The following NISCH variants were observed in gnomAD, a reference collection of about 807,000 sequenced individuals.
The protein encoded by NISCH is I-1 receptor candidate protein.
Under a neutral mutation model 138.4 loss-of-function variants are expected in NISCH, and 55 were observed. The observed-to-expected ratio is 0.40, with a 90% CI of 0.32 to 0.50. The LOEUF (loss-of-function observed/expected upper bound fraction) is 0.50. Ranked by LOEUF, NISCH falls within the 20% of genes least tolerant of loss-of-function variation. NISCH has a pLI of 0.71. For missense variants in NISCH, 1,643 were observed against 2,005.5 expected (o/e 0.82, Z 3.45); for synonymous variants, 860 against 861.5 (o/e 1.00, Z 0.03).
At chr3:52,472,261 A>C in intron 5 of NISCH, 42 bp from the exon 6 acceptor site, 8 of 1,560,316 alleles carry the variant, frequency 5.1e-6, no homozygotes, top group Non-Finnish European at 7.1e-6. Flanking sequence ...CCCGATGGGC[A>C]TGCGACACTG....
chr3:52,458,556 G>T lies in NISCH; in HGVS notation c.178-106G>T, dbSNP rs1320471158. The T allele has an allele frequency of 5.6e-6, 5 of 885,936 alleles. No homozygotes were observed. In the South Asian group the frequency reaches 8.8e-5, roughly 16 times the overall value. The allele number at this position is 885,936 out of a possible 1,614,324, so 54.9% of individuals were successfully genotyped here. A position where few individuals can be genotyped will look rare whatever the true frequency, so the allele number is the denominator to read the frequency against. Reference sequence around the variant, plus strand: ...TGATTTTGGTACTACTGCAGGGAGGGGCTGTGCAAGTGCTGACAAGCGCCT... The same window carrying T: ...TGATTTTGGTACTACTGCAGGGAGGTGCTGTGCAAGTGCTGACAAGCGCCT... On this transcript the variant is annotated intron_variant, in intron 2 of 20. Transcript: ENST00000345716.
chr3:52,481,363 T>C (rs902020849), intron 13 of NISCH: 2 of 990,192 alleles, frequency 2.0e-6, no homozygotes, highest in Non-Finnish European at 2.4e-6. Context: ...CTGTGAGATG[T>C]GGAAGAGAAT....
intron 18 of NISCH, 59 bp from the exon 19 acceptor site, chr3:52,490,646 C>G: frequency 6.2e-7 from 1 of 1,610,796 alleles, no homozygotes. Flanking sequence ...GTGCTGCACA[C>G]CTAGGAACCT....
Position 52,487,186 on chromosome 3 carries a change from C to A in NISCH, c.1704-10C>A. On this transcript the variant is annotated splice_polypyrimidine_tract_variant and intron_variant, in intron 15 of 20. Coordinates refer to ENST00000345716, the MANE Select transcript of NISCH (RefSeq NM_007184.4). This position sits in a 1 kb window ranked among gnomAD's most constrained non-coding sequence, Gnocchi z 9.1. ...CCAGCATGCCACTGACCTGGCCTCT[C>A]CCTGCACAGCCCAGAACATGCCGAG... The A allele has an allele frequency of 5.0e-6, 8 of 1,609,842 alleles. No homozygotes were observed. The highest frequency in any genetic ancestry group is 5.9e-6 in the Non-Finnish European group (7 of 1,177,612).
rs1309671143 is a variant in NISCH, at chr3:52,488,250, A to C, written c.2758A>C (p.Ile920Leu). The C allele has an allele frequency of 3.7e-6, 6 of 1,610,812 alleles. No homozygotes were observed. The Admixed American group carries it at 6.7e-5, about 18-fold the overall frequency. The change falls in exon 16 of 21, where the codon ATC (isoleucine) becomes CTC (leucine). Residue 920 changes from isoleucine (I) to leucine (L), a missense_variant. Transcript: ENST00000345716. ...GCTCACGCCCCAGCACCTCAACGTC[A>C]TCAAGGCCGACTTCAACCCCATGCC... ...LLLTPQHLNVIKADFNPMPNR... is the reference protein window; with the variant it reads ...LLLTPQHLNVLKADFNPMPNR...
intron 4 of NISCH, chr3:52,471,324 C>T (rs1026768106): frequency 2.2e-5 from 6 of 271,774 alleles, no homozygotes; most frequent in Non-Finnish European, 4.2e-5. Context: ...ACGGGGTCAG[C>T]GGCCCAGTCA....
chr3:52,469,925 A>G (rs1706894090), intron 3 of NISCH, among the ~76,000 whole-genome samples: 2 of 151,806 alleles, frequency 1.3e-5, no homozygotes, highest in East Asian at 3.9e-4. Flanking sequence ...AAAAAAGAAA[A>G]AAAAAAAAAA....
At chr3:52,460,488 A>G (rs1363111692) in intron 3 of NISCH, among the ~76,000 whole-genome samples, 1 of 151,740 alleles carries the variant, frequency 6.6e-6, no homozygotes, top group Admixed American at 6.6e-5. Context: ...TGCAACCTCA[A>G]ACTCCTGGGC....
intron 13 of NISCH, chr3:52,481,748 C>G (rs1012825917): frequency 2.0e-6 from 2 of 985,488 alleles, no homozygotes; most frequent in Middle Eastern, 5.2e-4. Context: ...CAGCCCCCCA[C>G]ATTGTCGGAG....
chr3:52,491,806 C>T, intron 20 of NISCH, 66 bp from the exon 21 acceptor site: 1 of 1,517,066 alleles, frequency 6.6e-7, no homozygotes, highest in Non-Finnish European at 8.8e-7. Flanking sequence ...GGCTTGGGGC[C>T]CTTGGTGCTC....
chr3:52,461,756 G>A (rs967704313), intron 3 of NISCH, among the ~76,000 whole-genome samples: 4 of 151,900 alleles, frequency 2.6e-5, no homozygotes, highest in South Asian at 2.1e-4. Flanking sequence ...CTAGCTACTC[G>A]GGAGGCTGAG....
chr3:52,473,889 G>GT, intron 7 of NISCH, 60 bp downstream of exon 7: 1 of 1,146,376 alleles, frequency 8.7e-7, no homozygotes, highest in Middle Eastern at 2.6e-4. Context: ...CTGGGCTGTG[G>GT]TCTCCACCAC....
At chr3:52,480,138 T>TGG (rs1707226010) in intron 12 of NISCH, 46 bp from the exon 13 acceptor site, 1 of 1,609,898 alleles carries the variant, frequency 6.2e-7, no homozygotes, top group Non-Finnish European at 8.5e-7. Context: ...TGGGGAGCTC[T>TGG]GTGCTTCCTC....
chr3:52,479,648 C>T (rs759617093), intron 11 of NISCH, 101 bp from the exon 12 acceptor site: 10 of 867,108 alleles, frequency 1.2e-5, no homozygotes, highest in African/African-American at 3.4e-5. Flanking sequence ...TACCATCCTC[C>T]TGCCATGCTC....
intron 4 of NISCH, 140 bp downstream of exon 4, chr3:52,471,047 C>A: frequency 1.3e-6 from 1 of 799,628 alleles, no homozygotes; most frequent in Non-Finnish European, 2.2e-6. Flanking sequence ...GAGCTGTGGT[C>A]CTTCAGTACT....
Position 52,487,415 on chromosome 3 carries a change from GGAGGAGGAAGAA to G in NISCH, c.1932_1943del (p.Glu644_Glu647del). ...GTGAACAGGGCGAGGAGGAGGATGA[GGAGGAGGAAGAA>G]GAGGAGGACGTGGCTGAGAACCGCT... On this transcript the variant is annotated inframe_deletion, in exon 16 of 21. Coordinates refer to ENST00000345716, the MANE Select transcript of NISCH (RefSeq NM_007184.4). The surrounding 1 kb of genome is among the most constrained non-coding windows in gnomAD (Gnocchi z 9.1). 2 of 1,611,612 alleles carry G rather than the reference GGAGGAGGAAGAA, an allele frequency of 1.2e-6. No individual in the cohort carries two copies. The highest frequency in any genetic ancestry group is 1.7e-6 in the Non-Finnish European group (2 of 1,178,020).
At position 52,455,633 on chromosome 3, in the gene NISCH, G is replaced by A. The variant is rs779812905; in HGVS notation, c.-9G>A. The A allele has an allele frequency of 3.8e-6, 5 of 1,329,006 alleles. No homozygotes were observed. The South Asian group carries it at 1.0e-4, about 27-fold the overall frequency. The allele number at this position is 1,329,006 out of a possible 1,614,324, so 82.3% of individuals were successfully genotyped here. A position where few individuals can be genotyped will look rare whatever the true frequency, so the allele number is the denominator to read the frequency against. ...TGCGCCGGGCGGCGGTGGCGGCGGA[G>A]ACCCGAACATGGCGACCGCGCGCAC... On this transcript the variant is annotated 5_prime_UTR_variant, in exon 1 of 21. Transcript: ENST00000345716.
chr3:52,457,808 C>G (rs369060089), intron 1 of NISCH, 35 bp from the exon 2 acceptor site: 3 of 1,487,606 alleles, frequency 2.0e-6, no homozygotes, highest in Non-Finnish European at 2.8e-6. Flanking sequence ...TTGCTGGGCT[C>G]CCTTGCCACA....
Position 52,471,844 on chromosome 3 carries a change from T to C in NISCH, c.440T>C (p.Phe147Ser), listed in dbSNP as rs777107601. The change falls in exon 5 of 21, where the codon TTT becomes TCT. Residue 147 changes from phenylalanine to serine, a missense_variant. By Grantham distance (155) the Phe-to-Ser change is radical (BLOSUM62 -2). Coordinates refer to ENST00000345716, the MANE Select transcript of NISCH (RefSeq NM_007184.4). ...GEQLLGAGEV[F>S]AIGPLQLYAV... ...CAGCTCCTGGGGGCCGGCGAGGTCT[T>C]TGCCATTGGACCCCTGCAGCTGTAT... 2.4e-5 allele frequency: 38 copies of C among 1,613,822 alleles called. No individual in the cohort carries two copies. Among genetic ancestry groups the C allele is most frequent in the Non-Finnish European group, 3.2e-5 (38 of 1,179,984 alleles).
Sources: allele counts gnomAD v4.1 joint callset (sites outside exome capture counted in the v4.1 genomes callset), GRCh38; gene constraint gnomAD v4.1.1; non-coding constraint Gnocchi (gnomAD v3.1); transcripts MANE v1.5; gene names NCBI Gene and HGNC (gene_info 2026-07-23, HGNC 2026-07-21).